The following THAP6 variants were observed in gnomAD, a reference collection of about 807,000 sequenced individuals.
THAP6 encodes the protein THAP domain containing 6.
Under a neutral mutation model 20.0 loss-of-function variants are expected in THAP6, and 13 were observed. The observed-to-expected ratio is 0.65, with a 90% CI of 0.42 to 1.03. The LOEUF (loss-of-function observed/expected upper bound fraction) is 1.03. Ranked by LOEUF, THAP6 falls within the 50% of genes least tolerant of loss-of-function variation. The pLI is 0.00. For missense variants in THAP6, 262 were observed against 261.6 expected (o/e 1.00, Z -0.01); for synonymous variants, 93 against 92.2 (o/e 1.01, Z -0.05).
In THAP6 at chr4:75,528,822, G is replaced by A; in HGVS notation, c.*1608G>A. 2 of 957,700 alleles carry A rather than the reference G, an allele frequency of 2.1e-6. No homozygotes were observed. Among genetic ancestry groups the A allele is most frequent in the Non-Finnish European group, 2.5e-6 (2 of 805,192 alleles). The allele number at this position is 957,700 out of a possible 1,614,324, so 59.3% of individuals were successfully genotyped here. ...CTAGCACTTTGGGAGGCCAAGGCAG[G>A]CAGATCACTTGAGGTCAGGGGTTCA... On this transcript the variant is annotated 3_prime_UTR_variant, in exon 5 of 5. Transcript: ENST00000311638.
At chr4:75,520,283 G>A (rs537599949) in intron 3 of THAP6, among the ~76,000 whole-genome samples, 9 of 152,112 alleles carry the variant, frequency 5.9e-5, no homozygotes, top group South Asian at 4.1e-4. Context: ...GTAGGTTGCC[G>A]GGGCACATCT....
Position 75,528,877 on chromosome 4 carries a change from C to G in THAP6, c.*1663C>G. 1 of 673,782 alleles carries G rather than the reference C, an allele frequency of 1.5e-6. No individual in the cohort carries two copies. The highest frequency in any genetic ancestry group is 1.8e-6 in the Non-Finnish European group (1 of 545,920). 41.7% of individuals were successfully genotyped at this position (673,782 alleles called of 1,614,324 possible). ...CAGCCTGGCCAAGATGGTGAAACCC[C>G]ATCTCTGCTAAAAATACAAAAAAAA... On this transcript the variant is annotated 3_prime_UTR_variant, in exon 5 of 5. Coordinates refer to ENST00000311638, the MANE Select transcript of THAP6 (RefSeq NM_144721.6).
chr4:75,546,633 C>T (rs187657567), intron 3 of THAP6, among the ~76,000 whole-genome samples: 3 of 152,230 alleles, frequency 2.0e-5, no homozygotes, highest in Admixed American at 2.0e-4. Flanking sequence ...TAAGGAAGTA[C>T]CTCATGCAGT....
Position 75,529,977 on chromosome 4 carries a change from G to A in THAP6, c.*2763G>A. The A allele has an allele frequency of 1.1e-6, 1 of 887,192 alleles. No individual in the cohort carries two copies. Among genetic ancestry groups the A allele is most frequent in the Non-Finnish European group, 1.3e-6 (1 of 742,512 alleles). The allele number at this position is 887,192 out of a possible 1,614,324, so 55.0% of individuals were successfully genotyped here. On this transcript the variant is annotated 3_prime_UTR_variant, in exon 5 of 5. Transcript: ENST00000311638. ...AATTATTACAGAAATAATTGAGAGAGAGAAAATCTATTATAATTTATTTGA... is the reference window on the plus strand; with the variant it reads ...AATTATTACAGAAATAATTGAGAGAAAGAAAATCTATTATAATTTATTTGA...
At chr4:75,521,196 C>T (rs902473769) in intron 3 of THAP6, among the ~76,000 whole-genome samples, 10 of 151,282 alleles carry the variant, frequency 6.6e-5, no homozygotes, top group South Asian at 2.1e-4. Flanking sequence ...TGTTATATGA[C>T]GTTAGCCTTT....
At chr4:75,542,314 T>C in intron 2 of THAP6, 1 of 632,288 alleles carries the variant, frequency 1.6e-6, no homozygotes, top group East Asian at 2.7e-5. Flanking sequence ...AGAACGTGAC[T>C]TCAGAGTACT....
At chr4:75,536,663 G>A (rs1394861051) in intron 2 of THAP6, among the ~76,000 whole-genome samples, 2 of 152,012 alleles carry the variant, frequency 1.3e-5, no homozygotes, top group East Asian at 1.9e-4. Context: ...GTGCACCACC[G>A]TGCCTAGCTA....
Position 75,529,762 on chromosome 4 carries a change from A to C in THAP6, c.*2548A>C, listed in dbSNP as rs943773930. The C allele has an allele frequency of 1.0e-6, 1 of 985,290 alleles. No individual in the cohort carries two copies. The highest frequency in any genetic ancestry group is 6.1e-5 in the Admixed American group (1 of 16,266). 61.0% of individuals were successfully genotyped at this position (985,290 alleles called of 1,614,324 possible). A position where few individuals can be genotyped will look rare whatever the true frequency, so the allele number is the denominator to read the frequency against. ...TGGCCTCTAGAGCCAGGAACACATTAATACAACAGTTCAACCTCAGCACCA... is the reference window on the plus strand; with the variant it reads ...TGGCCTCTAGAGCCAGGAACACATTCATACAACAGTTCAACCTCAGCACCA... On this transcript the variant is annotated 3_prime_UTR_variant, in exon 5 of 5. Transcript: ENST00000311638.
chr4:75,521,931 A>G (rs764141150), intron 4 of THAP6, 70 bp downstream of exon 4: 2 of 1,581,694 alleles, frequency 1.3e-6, no homozygotes, highest in Non-Finnish European at 1.7e-6. Flanking sequence ...TTACAATCAA[A>G]TTTTTCAGAA....
Position 75,529,079 on chromosome 4 carries a change from TA to T in THAP6, c.*1866del, listed in dbSNP as rs1219320001. The T allele has an allele frequency of 1.0e-6, 1 of 954,130 alleles. No homozygotes were observed. The highest frequency in any genetic ancestry group is 1.2e-4 in the East Asian group (1 of 8,648). 59.1% of individuals were successfully genotyped at this position (954,130 alleles called of 1,614,324 possible). A position where few individuals can be genotyped will look rare whatever the true frequency, so the allele number is the denominator to read the frequency against. On this transcript the variant is annotated 3_prime_UTR_variant, in exon 5 of 5. Coordinates refer to ENST00000311638, the MANE Select transcript of THAP6 (RefSeq NM_144721.6). ...AAAAAACAAAACTACTTTCATTAATTACCCATTATTTATTTTAGTTACTTAA... is the reference window on the plus strand; with the variant it reads ...AAAAAACAAAACTACTTTCATTAATTCCCATTATTTATTTTAGTTACTTAA...
At chr4:75,532,125 C>A (rs13116615), downstream of THAP6, among the ~76,000 whole-genome samples, 33 of 152,314 alleles carry the variant, frequency 2.2e-4, no homozygotes, top group African/African-American at 7.9e-4. Context: ...CAATTCCCTT[C>A]CGCCTATGAG....
At chr4:75,524,991 C>T (rs1726275413) in intron 4 of THAP6, among the ~76,000 whole-genome samples, 1 of 152,288 alleles carries the variant, frequency 6.6e-6, no homozygotes, top group Admixed American at 6.5e-5. Flanking sequence ...CTCCTAAGCT[C>T]AGGCGATCCC....
chr4:75,530,494 G>A (rs925552226), downstream of THAP6, among the ~76,000 whole-genome samples: 4 of 152,174 alleles, frequency 2.6e-5, no homozygotes, highest in African/African-American at 9.7e-5. Context: ...ACCATCTGGA[G>A]CACATGTGCT....
intron 4 of THAP6, among the ~76,000 whole-genome samples, chr4:75,522,774 A>T (rs1726112322): frequency 6.6e-6 from 1 of 151,228 alleles, no homozygotes; most frequent in Non-Finnish European, 1.5e-5. Context: ...TCTAAATCTC[A>T]TTTTTTTTAA....
intron 3 of THAP6, chr4:75,544,669 C>A (rs1727086766): frequency 6.6e-6 from 1 of 151,786 alleles, no homozygotes; most frequent in Non-Finnish European, 1.5e-5. Context: ...TGGCCTAGGA[C>A]TCTGTTTTTT....
chr4:75,533,689 A>G (rs1453413963), downstream of THAP6, among the ~76,000 whole-genome samples: 1 of 152,182 alleles, frequency 6.6e-6, no homozygotes, highest in African/African-American at 2.4e-5. Flanking sequence ...AGCAAGTCAC[A>G]TCTTACATGG....
Position 75,528,099 on chromosome 4 carries a change from C to G in THAP6, c.*885C>G. 2.0e-6 allele frequency: 2 copies of G among 984,534 alleles called. No individual in the cohort carries two copies. The highest frequency in any genetic ancestry group is 1.2e-6 in the Non-Finnish European group (1 of 829,302). The allele number at this position is 984,534 out of a possible 1,614,324, so 61.0% of individuals were successfully genotyped here. ...AAAAAAATACAAAATACAAAAGAAA[C>G]CATTAGAAATTAATAACTGTGGCTC... On this transcript the variant is annotated 3_prime_UTR_variant, in exon 5 of 5. Transcript: ENST00000311638.
rs1397505788 is a variant in THAP6 at position 75,529,277 on chromosome 4, C to G, written c.*2063C>G. 4.1e-6 allele frequency: 4 copies of G among 984,752 alleles called. No individual in the cohort carries two copies. Among genetic ancestry groups the G allele is most frequent in the Admixed American group, 6.2e-5 (1 of 16,220 alleles). 61.0% of individuals were successfully genotyped at this position (984,752 alleles called of 1,614,324 possible). A position where few individuals can be genotyped will look rare whatever the true frequency, so the allele number is the denominator to read the frequency against. On this transcript the variant is annotated 3_prime_UTR_variant, in exon 5 of 5. Transcript: ENST00000311638. ...GATCCAAACACAGTATGTCTAAATTCTAGCACTCTACTGGCTGCTTAGAAT... is the reference window on the plus strand; with the variant it reads ...GATCCAAACACAGTATGTCTAAATTGTAGCACTCTACTGGCTGCTTAGAAT...
upstream of THAP6, chr4:75,514,265 C>A: frequency 6.2e-7 from 1 of 1,612,772 alleles, no homozygotes. Flanking sequence ...CTGGCGCCAT[C>A]TTCCCGGGCC....
Sources: gnomAD v4.1 joint callset for allele counts (sites outside exome capture counted in the v4.1 genomes callset) on GRCh38, gnomAD v4.1.1 for gene constraint, MANE v1.5 for transcripts, NCBI Gene and HGNC (gene_info 2026-07-23, HGNC 2026-07-21) for gene names.